SPECC1: variants seen among roughly 807,000 people sequenced by gnomAD.
SPECC1 encodes sperm antigen with calponin homology and coiled-coil domains 1.
In SPECC1, 62 loss-of-function variants were observed where a neutral mutation model predicts 104.1. The ratio of observed to expected loss-of-function variants is 0.60; its 90% CI spans 0.49 to 0.74. The LOEUF is 0.74. SPECC1 is among the 30% of genes least tolerant of loss of function. SPECC1 has a pLI of 0.00. For missense variants in SPECC1, 1,306 were observed against 1,310.5 expected (o/e 1.00, Z 0.05); for synonymous variants, 513 against 501.6 (o/e 1.02, Z -0.30).
intron 3 of SPECC1, among the ~76,000 whole-genome samples, chr17:20,133,855 C>G (rs2049784980): frequency 6.6e-6 from 1 of 152,186 alleles, no homozygotes; most frequent in Non-Finnish European, 1.5e-5. Context: ...CCAGACCAGT[C>G]TCCACTGTGG....
chr17:20,128,170 T>G (rs1249833448), intron 3 of SPECC1, among the ~76,000 whole-genome samples: 1 of 152,228 alleles, frequency 6.6e-6, no homozygotes, highest in Non-Finnish European at 1.5e-5. Flanking sequence ...GCCTTAAGCT[T>G]GAATGCTACA....
intron 4 of SPECC1, among the ~76,000 whole-genome samples, chr17:20,215,964 A>G (rs2037461378): frequency 6.6e-6 from 1 of 152,222 alleles, no homozygotes; most frequent in Non-Finnish European, 1.5e-5. Flanking sequence ...AGTATTGTCA[A>G]ATTATCTGGT....
chr17:20,132,657 T>G (rs2049709099), intron 3 of SPECC1, among the ~76,000 whole-genome samples: 1 of 151,776 alleles, frequency 6.6e-6, no homozygotes, highest in Non-Finnish European at 1.5e-5. Context: ...ATTGAGTGAG[T>G]TGTATTTTTC....
At chr17:20,127,679 G>A (rs972966) in intron 3 of SPECC1, among the ~76,000 whole-genome samples, 4 of 151,894 alleles carry the variant, frequency 2.6e-5, no homozygotes, top group Admixed American at 2.0e-4. Flanking sequence ...AAGTAAGGAG[G>A]GCATTAAAGC....
chr17:20,102,366 G>A (rs1487778369), intron 2 of SPECC1, among the ~76,000 whole-genome samples: 2 of 152,194 alleles, frequency 1.3e-5, no homozygotes, highest in African/African-American at 4.8e-5. Flanking sequence ...GAAGGTGCAG[G>A]GGAAATGAAG....
chr17:20,156,848 A>G (rs1026847236), intron 3 of SPECC1, among the ~76,000 whole-genome samples: 2 of 152,186 alleles, frequency 1.3e-5, no homozygotes, highest in African/African-American at 2.4e-5. Flanking sequence ...TTAGATGCCG[A>G]TAAGCAGGGT....
intron 7 of SPECC1, among the ~76,000 whole-genome samples, chr17:20,234,512 T>C (rs2038790783): frequency 6.6e-6 from 1 of 152,196 alleles, no homozygotes; most frequent in South Asian, 2.1e-4. Context: ...ACTCACACCC[T>C]CAAAGCTCCG....
At chr17:20,110,628 G>T in intron 3 of SPECC1, 66 bp downstream of exon 3, 2 of 1,458,008 alleles carry the variant, frequency 1.4e-6, no homozygotes, top group African/African-American at 1.4e-5. Flanking sequence ...GCACTTCAGT[G>T]ACCCATGACC....
intron 3 of SPECC1, among the ~76,000 whole-genome samples, chr17:20,154,958 G>A (rs2032330685): frequency 6.6e-6 from 1 of 152,152 alleles, no homozygotes; most frequent in Non-Finnish European, 1.5e-5. Flanking sequence ...AGATGGAGAG[G>A]ACTATTAAAA....
At chr17:20,212,346 C>T (rs994233503) in intron 4 of SPECC1, among the ~76,000 whole-genome samples, 11 of 152,044 alleles carry the variant, frequency 7.2e-5, no homozygotes, top group African/African-American at 1.9e-4. Flanking sequence ...TGAATTAGCC[C>T]GTTTTCATGC....
chr17:20,069,788 A>T (rs902219295), intron 1 of SPECC1, among the ~76,000 whole-genome samples: 2 of 152,074 alleles, frequency 1.3e-5, no homozygotes, highest in African/African-American at 4.8e-5. Context: ...TAGACTTTCC[A>T]CTTACTCATA....
intron 3 of SPECC1, among the ~76,000 whole-genome samples, chr17:20,113,462 A>G (rs963811536): frequency 6.6e-6 from 1 of 152,196 alleles, no homozygotes; most frequent in African/African-American, 2.4e-5. Context: ...GTTCAGGTTT[A>G]TAAATAGCTT....
At chr17:20,038,667 T>C (rs2152451055) in intron 1 of SPECC1, among the ~76,000 whole-genome samples, 1 of 152,352 alleles carries the variant, frequency 6.6e-6, no homozygotes, top group East Asian at 1.9e-4. Context: ...CCCAAAGTGC[T>C]GGGATCACAG....
In SPECC1 at chr17:20,316,827, C is replaced by A; in HGVS notation, c.*2762C>A. 4.8e-6 allele frequency: 1 copy of A among 206,870 alleles called. No homozygotes were observed. Among genetic ancestry groups the A allele is most frequent in the Non-Finnish European group, 9.9e-6 (1 of 101,208 alleles). 12.8% of individuals were successfully genotyped at this position (206,870 alleles called of 1,614,324 possible). A position where few individuals can be genotyped will look rare whatever the true frequency, so the allele number is the denominator to read the frequency against. On this transcript the variant is annotated 3_prime_UTR_variant, in exon 15 of 15. Transcript: ENST00000395527. Reference sequence around the variant, plus strand: ...TGATTGGCTCTATTTTGAGTGATTACGTGTAAATCATCTAGAACCAGCTCT... The same window carrying A: ...TGATTGGCTCTATTTTGAGTGATTAAGTGTAAATCATCTAGAACCAGCTCT...
At chr17:20,057,657 AT>A (rs1007741781) in intron 1 of SPECC1, 11,100 of 142,312 alleles carry the variant, frequency 0.078, 497 homozygotes, top group African/African-American at 0.15. Flanking sequence ...TGCCTGGTTA[AT>A]TTTTTTTTTT....
intron 12 of SPECC1, among the ~76,000 whole-genome samples, chr17:20,287,954 C>A (rs1213334360): frequency 2.6e-5 from 4 of 151,872 alleles, no homozygotes; most frequent in African/African-American, 9.7e-5. Context: ...CTCTCCCTCC[C>A]CCACCCCCAA....
intron 4 of SPECC1, among the ~76,000 whole-genome samples, chr17:20,219,361 A>C (rs1017086983): frequency 1.3e-4 from 20 of 152,202 alleles, no homozygotes; most frequent in Admixed American, 1.2e-3. Flanking sequence ...GATAAAAGCC[A>C]TTTTAATTGG....
rs1454028461 is a variant in SPECC1 at position 20,205,829 on chromosome 17, C to G, written c.1780C>G (p.Leu594Val). ...AGTAGCCCGAGCAGAGAAAGATCTA[C>G]TGGAACTGTCTTGCAATGAGCTCAG... ...LKVARAEKDL[L>V]ELSCNELRQE... The change falls in exon 4 of 15, where the codon CTG becomes GTG. Residue 594 changes from leucine (L) to valine (V), a missense_variant. Physicochemically the swap from Leu to Val is conservative, Grantham distance 32. Coordinates refer to ENST00000395527, the MANE Select transcript of SPECC1 (RefSeq NM_001243439.2). 1 of 1,614,194 alleles carries G rather than the reference C, an allele frequency of 6.2e-7. No homozygotes were observed.
At chr17:20,019,923 A>G (rs2044306561) in intron 1 of SPECC1, among the ~76,000 whole-genome samples, 1 of 152,152 alleles carries the variant, frequency 6.6e-6, no homozygotes, top group South Asian at 2.1e-4. Context: ...CTCATTGTGT[A>G]TAATCTTCCA....
Sources: allele counts gnomAD v4.1 joint callset (sites outside exome capture counted in the v4.1 genomes callset), GRCh38; gene constraint gnomAD v4.1.1; transcripts MANE v1.5; gene names NCBI Gene and HGNC (gene_info 2026-07-23, HGNC 2026-07-21).